Variants in SSUH2 observed in about 807,000 individuals in gnomAD.
The protein encoded by SSUH2 is ssu-2 homolog, also known as protein SSUH2 homolog.
SSUH2 carries 47 observed loss-of-function variants against 55.3 expected under a neutral mutation model. The ratio of observed to expected loss-of-function variants is 0.85; its 90% CI spans 0.67 to 1.08. SSUH2 has a LOEUF of 1.08. Ranked by LOEUF, SSUH2 falls within the 50% of genes least tolerant of loss-of-function variation. The probability of loss-of-function intolerance (pLI) is 0.00; values close to 1 mark genes in which losing one functional copy is unlikely to be tolerated. For synonymous variants in SSUH2, 212 were observed against 191.5 expected (o/e 1.11, Z -0.89); for missense variants, 535 against 490.7 (o/e 1.09, Z -0.85).
At chr3:8,669,571 A>C (rs112353103) in intron 5 of SSUH2, among the ~76,000 whole-genome samples, 1 of 152,244 alleles carries the variant, frequency 6.6e-6, no homozygotes, top group Non-Finnish European at 1.5e-5. Context: ...TATTTACAAA[A>C]GGGAAAATAG....
In SSUH2 at chr3:8,680,012, T is replaced by C. The variant is rs112123381; in HGVS notation, c.-1045-163A>G. 8.5e-5 allele frequency among the ~76,000 whole-genome samples: 13 copies of C among 152,162 alleles called. No homozygotes were observed. The South Asian group carries it at 2.7e-3, about 32-fold the overall frequency. Reference sequence around the variant, plus strand: ...GATCCCAACAACAGCAAGTCTTTCATGAGTTAAGGGAAAAACTTCCAGCAG... The same window carrying C: ...GATCCCAACAACAGCAAGTCTTTCACGAGTTAAGGGAAAAACTTCCAGCAG... On this transcript the variant is annotated intron_variant, in intron 1 of 18. Transcript: ENST00000317371.
intron 1 of SSUH2, among the ~76,000 whole-genome samples, chr3:8,680,920 G>T (rs1349984673): frequency 6.6e-6 from 1 of 151,964 alleles, no homozygotes; most frequent in Non-Finnish European, 1.5e-5. Context: ...AATTTGACAG[G>T]CTGGGTGAAC....
At chr3:8,634,366 G>T (rs1198048790) in intron 3 of SSUH2, 6 of 1,289,016 alleles carry the variant, frequency 4.7e-6, no homozygotes, top group East Asian at 5.5e-5. Flanking sequence ...CCTCCTGGAA[G>T]TCCCTTCCCT....
chr3:8,672,392 A>G (rs1704692460), intron 3 of SSUH2, among the ~76,000 whole-genome samples: 2 of 152,060 alleles, frequency 1.3e-5, no homozygotes, highest in African/African-American at 4.8e-5. Flanking sequence ...CATGGGGGTA[A>G]TATCATCCTC....
upstream of SSUH2, among the ~76,000 whole-genome samples, chr3:8,645,901 G>T (rs1353630681): frequency 1.3e-5 from 2 of 152,216 alleles, no homozygotes; most frequent in East Asian, 3.8e-4. Context: ...GCAACCTTCA[G>T]CAGTATTCAC....
In SSUH2 at chr3:8,619,802, T is replaced by G; in HGVS notation, c.*66A>C. Reference sequence around the variant, plus strand: ...CCAATGCAGCCAACAGTGAACACACTCAGAGAGTGTCGGCCATCTTCCTTG... The same window carrying G: ...CCAATGCAGCCAACAGTGAACACACGCAGAGAGTGTCGGCCATCTTCCTTG... On this transcript the variant is annotated 3_prime_UTR_variant, in exon 12 of 12. Transcript: ENST00000544814. The G allele has an allele frequency of 6.4e-7, 1 of 1,573,092 alleles. No homozygotes were observed. The highest frequency in any genetic ancestry group is 8.6e-7 in the Non-Finnish European group (1 of 1,156,232).
chr3:8,621,464 G>A (rs1347939474), intron 11 of SSUH2, among the ~76,000 whole-genome samples: 2 of 152,178 alleles, frequency 1.3e-5, no homozygotes, highest in Non-Finnish European at 2.9e-5. Context: ...TCTGGGCAGT[G>A]GGGGTGTATT....
At chr3:8,646,968 G>T (rs1269828178), upstream of SSUH2, among the ~76,000 whole-genome samples, 1 of 152,240 alleles carries the variant, frequency 6.6e-6, no homozygotes, top group Non-Finnish European at 1.5e-5. Context: ...TGTGGAATTA[G>T]CACAGCTGTC....
chr3:8,651,151 C>T (rs914815961), intron 7 of SSUH2, among the ~76,000 whole-genome samples: 9 of 152,236 alleles, frequency 5.9e-5, no homozygotes, highest in African/African-American at 2.2e-4. Flanking sequence ...CTGAAATTTT[C>T]AAACACAAAT....
chr3:8,634,596 T>G, intron 3 of SSUH2: 1 of 1,289,586 alleles, frequency 7.8e-7, no homozygotes. Context: ...CAAGAGACAC[T>G]GTGGGCTGGA....
At chr3:8,647,394 G>T (rs897693853), upstream of SSUH2, among the ~76,000 whole-genome samples, 2 of 152,242 alleles carry the variant, frequency 1.3e-5, no homozygotes, top group East Asian at 1.9e-4. Context: ...TAACGCAGAA[G>T]CTTGGTGATT....
At chr3:8,647,760 C>A (rs544832511), upstream of SSUH2, among the ~76,000 whole-genome samples, 166 of 152,322 alleles carry the variant, frequency 1.1e-3, 2 homozygotes, top group Admixed American at 4.4e-3. Context: ...GAACCCAGAG[C>A]CACCCAGAAC....
At chr3:8,643,375 T>C (rs927157156) in intron 1 of SSUH2, among the ~76,000 whole-genome samples, 2 of 152,180 alleles carry the variant, frequency 1.3e-5, no homozygotes, top group African/African-American at 4.8e-5. Context: ...ACTCTAATCA[T>C]AAATGGAAAG....
Position 8,633,714 on chromosome 3 carries a change from C to A in SSUH2, c.291G>T (p.Val97=). 6.4e-7 allele frequency: 1 copy of A among 1,555,170 alleles called. No individual in the cohort carries two copies. Among genetic ancestry groups the A allele is most frequent in the South Asian group, 1.2e-5 (1 of 82,264 alleles). The change falls in exon 4 of 12, where the codon GTG becomes GTT. Residue 97 remains valine, a synonymous_variant. Coordinates refer to ENST00000544814, the MANE Select transcript of SSUH2 (RefSeq NM_001256748.3). Reference sequence around the variant, plus strand: ...GCTCCTGGATGACGAGGTCTCCAGCCACCGTGCTGCTGTAGCAGCACTTAG... The same window carrying A: ...GCTCCTGGATGACGAGGTCTCCAGCAACCGTGCTGCTGTAGCAGCACTTAG... ...VDSKCCYSST[V]AGDLVIQELK...
chr3:8,625,395 C>G (rs987076511), intron 10 of SSUH2, 147 bp downstream of exon 10: 5 of 571,866 alleles, frequency 8.7e-6, no homozygotes, highest in Non-Finnish European at 1.6e-5. Flanking sequence ...AGGCTCCCCA[C>G]AGCCTTATCC....
chr3:8,634,060 T>A, intron 3 of SSUH2: 1 of 1,061,432 alleles, frequency 9.4e-7, no homozygotes, highest in South Asian at 1.6e-5. Flanking sequence ...GATAGAATCC[T>A]GCAACTGAAG....
chr3:8,650,371 T>G (rs959751903), intron 7 of SSUH2, among the ~76,000 whole-genome samples: 1 of 152,252 alleles, frequency 6.6e-6, no homozygotes, highest in Non-Finnish European at 1.5e-5. Context: ...AGTTCCCTGC[T>G]GTATACTTAG....
At chr3:8,680,943 G>A (rs1705890969) in intron 1 of SSUH2, among the ~76,000 whole-genome samples, 1 of 151,792 alleles carries the variant, frequency 6.6e-6, no homozygotes, top group South Asian at 2.1e-4. Flanking sequence ...TGCCTGTGAT[G>A]CTGGAATTAT....
chr3:8,659,211 T>A (rs553884137), intron 6 of SSUH2, among the ~76,000 whole-genome samples: 84 of 152,292 alleles, frequency 5.5e-4, no homozygotes, highest in Admixed American at 1.2e-3. Context: ...GCTTTTTTTT[T>A]AAAAGTAACA....
Sources: allele counts gnomAD v4.1 joint callset (sites outside exome capture counted in the v4.1 genomes callset), GRCh38; gene constraint gnomAD v4.1.1; transcripts MANE v1.5; gene names NCBI Gene and HGNC (gene_info 2026-07-23, HGNC 2026-07-21).